The following EPB41L4A variants were observed in gnomAD, a reference collection of about 807,000 sequenced individuals.
EPB41L4A encodes the protein band 4.1-like protein 4A.
Under a neutral mutation model 108.6 loss-of-function variants are expected in EPB41L4A, and 100 were observed. The ratio of observed to expected loss-of-function variants is 0.92; its 90% CI spans 0.78 to 1.09. The LOEUF (loss-of-function observed/expected upper bound fraction) is 1.09. EPB41L4A is among the 50% of genes least tolerant of loss of function. The probability of loss-of-function intolerance (pLI) is 0.00; values close to 1 mark genes in which losing one functional copy is unlikely to be tolerated. For missense variants in EPB41L4A, 1,030 were observed against 842.7 expected, an observed-to-expected ratio of 1.22 and a Z score of -2.75; for synonymous variants, 319 against 289.0, an observed-to-expected ratio of 1.10 and a Z score of -1.05.
chr5:112,296,681 T>A (rs966737587), intron 2 of EPB41L4A, among the ~76,000 whole-genome samples: 1 of 152,140 alleles, frequency 6.6e-6, no homozygotes. Flanking sequence ...TAATGGTGAT[T>A]TGTGAGATTT....
At chr5:112,158,154 A>T (rs188865179), downstream of EPB41L4A, among the ~76,000 whole-genome samples, 1 of 152,276 alleles carries the variant, frequency 6.6e-6, no homozygotes, top group East Asian at 1.9e-4. Context: ...AAAGGGAAGA[A>T]GAGAAAAGAG....
chr5:112,301,427 C>A (rs187022287), intron 2 of EPB41L4A, among the ~76,000 whole-genome samples: 1 of 152,262 alleles, frequency 6.6e-6, no homozygotes, highest in East Asian at 1.9e-4. Context: ...CCTTCTGGAT[C>A]TAGCCACCCA....
In EPB41L4A at chr5:112,262,525, T is replaced by C; in HGVS notation, c.611A>G (p.Glu204Gly). 1 of 1,614,090 alleles carries C rather than the reference T, an allele frequency of 6.2e-7. No homozygotes were observed. The highest frequency in any genetic ancestry group is 8.5e-7 in the Non-Finnish European group (1 of 1,179,984). ...LNYLRTAKSL[E>G]MYGVDLHPVY... The stretch of plus-strand genomic sequence containing the variant: ...GGGATGGAGGTCAACGCCATACATC[T>C]CCAGGGATTTGGCAGTCCTCAAGTA... The change falls in exon 7 of 23, where the codon GAG becomes GGG. Residue 204 changes from glutamate to glycine, a missense_variant. By Grantham distance (98) the Glu-to-Gly change is moderately conservative. Transcript: ENST00000261486.
Position 112,170,950 on chromosome 5 carries a change from G to A in EPB41L4A, c.1665C>T (p.His555=), listed in dbSNP as rs761806538. 31 of 1,613,130 alleles carry A rather than the reference G, an allele frequency of 1.9e-5. No individual in the cohort carries two copies. In the South Asian group the frequency reaches 2.0e-4, roughly 10 times the overall value. The change falls in exon 19 of 23, where the codon CAC becomes CAT. Residue 555 remains histidine (H), a synonymous_variant. Coordinates refer to ENST00000261486, the MANE Select transcript of EPB41L4A (RefSeq NM_022140.5). The part of the protein sequence containing the change: ...DIQAKEELWK[H]IQKELVDPSG... ...GAAAGAAAACTATTACTCACTGAAT[G>A]TGCTTCCATAACTCTTCTTTTGCTT...
rs574018877 is a variant in EPB41L4A, at chr5:112,173,940, C to A, written c.1623-2948G>T. Reference sequence around the variant, plus strand: ...TGCAGGCGTGAGCCACTGTGCCTAGCCTGAGAAATGTTATCTTAATCTGAA... The same window carrying A: ...TGCAGGCGTGAGCCACTGTGCCTAGACTGAGAAATGTTATCTTAATCTGAA... On this transcript the variant is annotated intron_variant, in intron 18 of 22. Transcript: ENST00000261486. Among the ~76,000 whole-genome samples, 3 of 152,266 alleles carry A rather than the reference C, an allele frequency of 2.0e-5. No homozygotes were observed. The South Asian group carries it at 6.2e-4, about 32-fold the overall frequency.
At chr5:112,402,922 C>T (rs565540164) in intron 1 of EPB41L4A, among the ~76,000 whole-genome samples, 9 of 151,982 alleles carry the variant, frequency 5.9e-5, no homozygotes, top group Non-Finnish European at 1.3e-4. Context: ...AGCGGTTAGT[C>T]GTATGTTTAC....
intron 13 of EPB41L4A, among the ~76,000 whole-genome samples, chr5:112,145,256 C>T (rs1007225755): frequency 1.2e-4 from 19 of 152,184 alleles, no homozygotes; most frequent in African/African-American, 3.4e-4. Flanking sequence ...CATTGCTGCA[C>T]TCCAGCCTGG....
At chr5:112,231,753 CCGCAG>C (rs1748955269) in intron 12 of EPB41L4A, among the ~76,000 whole-genome samples, 1 of 132,692 alleles carries the variant, frequency 7.5e-6, no homozygotes, top group African/African-American at 2.7e-5. Context: ...CCACTGCAGT[CCGCAG>C]TCCGGCCTGG....
At chr5:112,270,646 A>T (rs1234839866) in intron 4 of EPB41L4A, among the ~76,000 whole-genome samples, 1 of 152,202 alleles carries the variant, frequency 6.6e-6, no homozygotes, top group Non-Finnish European at 1.5e-5. Context: ...CCATAATGAC[A>T]TGTAACCCTC....
At chr5:112,384,948 C>T (rs756492453) in intron 1 of EPB41L4A, among the ~76,000 whole-genome samples, 2 of 152,180 alleles carry the variant, frequency 1.3e-5, no homozygotes, top group African/African-American at 2.4e-5. Flanking sequence ...GCTAGGGTTG[C>T]CAGTCCTGAT....
At chr5:112,279,003 T>C (rs1752786079) in intron 3 of EPB41L4A, among the ~76,000 whole-genome samples, 1 of 142,948 alleles carries the variant, frequency 7.0e-6, no homozygotes, top group Admixed American at 7.5e-5. Context: ...AGGCAGAGAT[T>C]GCAGTGAGCC....
chr5:112,218,805 C>T (rs1747829591), intron 12 of EPB41L4A, among the ~76,000 whole-genome samples: 1 of 152,096 alleles, frequency 6.6e-6, no homozygotes, highest in Admixed American at 6.6e-5. Flanking sequence ...TTATTTTACG[C>T]AAGCACTCAC....
chr5:112,328,034 A>G (rs1756296620), intron 1 of EPB41L4A, among the ~76,000 whole-genome samples: 1 of 152,160 alleles, frequency 6.6e-6, no homozygotes, highest in Non-Finnish European at 1.5e-5. Context: ...AGAAGGCCGG[A>G]CACGGTGGCT....
intron 1 of EPB41L4A, among the ~76,000 whole-genome samples, chr5:112,408,612 T>G (rs1561652426): frequency 7.4e-6 from 1 of 135,452 alleles, no homozygotes; most frequent in Non-Finnish European, 1.5e-5. Context: ...TAATCCCACT[T>G]TGGGAGAATC....
intron 1 of EPB41L4A, among the ~76,000 whole-genome samples, chr5:112,377,819 T>C (rs575717816): frequency 7.9e-5 from 12 of 151,948 alleles, no homozygotes; most frequent in Non-Finnish European, 1.5e-4. Flanking sequence ...TTCCAGAAAC[T>C]AACTTAATCT....
intron 1 of EPB41L4A, among the ~76,000 whole-genome samples, chr5:112,409,213 T>G (rs1762273299): frequency 6.6e-6 from 1 of 152,126 alleles, no homozygotes; most frequent in African/African-American, 2.4e-5. Context: ...CTATTCCAAG[T>G]GAAGGAAAAC....
chr5:112,208,391 C>T (rs550918752), intron 13 of EPB41L4A, among the ~76,000 whole-genome samples: 2 of 152,042 alleles, frequency 1.3e-5, no homozygotes, highest in African/African-American at 4.8e-5. Context: ...GAATACTACA[C>T]AGCCATAAAA....
At chr5:112,303,107 T>C (rs945358277) in intron 2 of EPB41L4A, among the ~76,000 whole-genome samples, 16 of 152,208 alleles carry the variant, frequency 1.1e-4, no homozygotes, top group Non-Finnish European at 1.2e-4. Flanking sequence ...AGCATGACAA[T>C]CTTCCTTTCT....
chr5:112,297,260 T>G (rs1209296305), intron 2 of EPB41L4A, among the ~76,000 whole-genome samples: 1 of 152,218 alleles, frequency 6.6e-6, no homozygotes, highest in East Asian at 1.9e-4. Context: ...CCACCAGCAG[T>G]GCAGAAGTGT....
Sources: allele counts gnomAD v4.1 joint callset (sites outside exome capture counted in the v4.1 genomes callset), GRCh38; gene constraint gnomAD v4.1.1; transcripts MANE v1.5; gene names NCBI Gene and HGNC (gene_info 2026-07-23, HGNC 2026-07-21).